RREB1: variants seen among roughly 807,000 people sequenced by gnomAD.
RREB1 encodes ras responsive element binding protein 1.
RREB1 carries 27 observed loss-of-function variants against 117.8 expected under a neutral mutation model. The observed-to-expected ratio is 0.23, with a 90% CI of 0.17 to 0.32. RREB1 has a LOEUF of 0.32. RREB1 is among the 10% of genes least tolerant of loss of function. The pLI is 1.00. For synonymous variants in RREB1, 1,298 were observed against 1,026.7 expected (o/e 1.26, Z -5.05); for missense variants, 2,577 against 2,378.2 (o/e 1.08, Z -1.74).
chr6:7,115,356 C>G (rs1323637384), intron 1 of RREB1, among the ~76,000 whole-genome samples: 2 of 148,742 alleles, frequency 1.3e-5, no homozygotes, highest in Non-Finnish European at 3.0e-5. Flanking sequence ...GGCCTTCCCC[C>G]CCACCCCCCA....
At chr6:7,185,106 TC>T (rs1255134246) in intron 4 of RREB1, 2 of 152,082 alleles carry the variant, frequency 1.3e-5, no homozygotes, top group Non-Finnish European at 2.9e-5. Flanking sequence ...TGACACCCCC[TC>T]CCCCATTATA....
intron 1 of RREB1, among the ~76,000 whole-genome samples, chr6:7,170,626 C>T (rs192867054): frequency 6.6e-6 from 1 of 152,242 alleles, no homozygotes; most frequent in Non-Finnish European, 1.5e-5. Context: ...CCTTGCCTGT[C>T]TGAAGCCTAC....
rs556317984 is a variant in RREB1, at chr6:7,160,773, G to A, written c.-284-15882G>A. ...GCAATCTCAGCTCACTGCAACCTCC[G>A]ACTCCCTGGTTCAAGCAATTCTCCT... On this transcript the variant is annotated intron_variant, in intron 1 of 12. Coordinates refer to ENST00000379938, the MANE Select transcript of RREB1 (RefSeq NM_001003699.4). 9.7e-4 allele frequency among the ~76,000 whole-genome samples: 147 copies of A among 151,216 alleles called. 5 individuals are homozygous for A. The highest frequency in any genetic ancestry group is 3.4e-3 in the African/African-American group (138 of 41,086).
At chr6:7,153,720 T>C (rs1439041812) in intron 1 of RREB1, among the ~76,000 whole-genome samples, 1 of 152,204 alleles carries the variant, frequency 6.6e-6, no homozygotes, top group Non-Finnish European at 1.5e-5. Context: ...CTCTTTATAA[T>C]GAAGTCAGGC....
chr6:7,203,709 T>C (rs572888788), intron 6 of RREB1, among the ~76,000 whole-genome samples: 34 of 152,360 alleles, frequency 2.2e-4, no homozygotes, highest in African/African-American at 7.7e-4. Flanking sequence ...ACTATCCTTA[T>C]ACTGGCTCCC....
intron 1 of RREB1, among the ~76,000 whole-genome samples, chr6:7,160,350 A>G (rs985878030): frequency 2.0e-5 from 3 of 152,168 alleles, no homozygotes; most frequent in African/African-American, 7.2e-5. Flanking sequence ...AAAAATAGTG[A>G]CATCAAATTA....
At chr6:7,189,434 G>C (rs748936032) in intron 6 of RREB1, 112 bp downstream of exon 6, 3 of 1,017,298 alleles carry the variant, frequency 2.9e-6, no homozygotes, top group Non-Finnish European at 4.2e-6. Context: ...GAGAGTTCTG[G>C]AGCTCTGTCC....
intron 10 of RREB1, among the ~76,000 whole-genome samples, chr6:7,239,521 G>A (rs1768556606): frequency 6.6e-6 from 1 of 152,142 alleles, no homozygotes; most frequent in African/African-American, 2.4e-5. Context: ...GAAACATGAT[G>A]TTTACAGCAC....
At position 7,246,986 on chromosome 6, in the gene RREB1, G is replaced by T; in HGVS notation, c.4536G>T (p.Pro1512=). The part of the protein sequence containing the change: ...ETPAEVVESA[P]GAGEAPAEKL... The stretch of plus-strand genomic sequence containing the variant: ...CGGCAGAGGTGGTGGAGTCGGCCCC[G>T]GGTGCCGGGGAGGCCCCGGCGGAAA... Residue 1512 remains proline, a synonymous_variant, in exon 12 of 13, where the codon CCG becomes CCT. Coordinates refer to ENST00000379938, the MANE Select transcript of RREB1 (RefSeq NM_001003699.4). 2 of 1,591,446 alleles carry T rather than the reference G, an allele frequency of 1.3e-6. No individual in the cohort carries two copies. Among genetic ancestry groups the T allele is most frequent in the East Asian group, 2.3e-5 (1 of 43,262 alleles).
intron 10 of RREB1, among the ~76,000 whole-genome samples, chr6:7,235,547 C>T (rs1000985605): frequency 6.6e-6 from 1 of 152,190 alleles, no homozygotes; most frequent in Middle Eastern, 3.2e-3. Flanking sequence ...AGGCTGTTCT[C>T]GAACTCCTCA....
At chr6:7,191,177 T>C (rs555526129) in intron 6 of RREB1, among the ~76,000 whole-genome samples, 1 of 152,346 alleles carries the variant, frequency 6.6e-6, no homozygotes, top group Admixed American at 6.5e-5. Flanking sequence ...GTGCTCTGGG[T>C]GTCATATCTG....
intron 1 of RREB1, among the ~76,000 whole-genome samples, chr6:7,126,518 C>T (rs951107768): frequency 6.6e-6 from 1 of 152,140 alleles, no homozygotes; most frequent in Non-Finnish European, 1.5e-5. Flanking sequence ...ATCTGCCTGC[C>T]TCCGCCTCCC....
chr6:7,230,904 C>A lies in RREB1; in HGVS notation c.2805C>A (p.Ile935=). The A allele has an allele frequency of 6.2e-7, 1 of 1,614,118 alleles. No individual in the cohort carries two copies. The highest frequency in any genetic ancestry group is 8.5e-7 in the Non-Finnish European group (1 of 1,179,996). ...LVPYDCSMEP[I]DLSIPKNFRK... ...CCTATGACTGCTCCATGGAGCCCAT[C>A]GACCTGTCCATCCCCAAGAACTTCA... The change falls in exon 10 of 13, where the codon ATC becomes ATA. Residue 935 remains isoleucine (I), a synonymous_variant. Transcript: ENST00000379938.
chr6:7,217,304 A>G (rs915680891), intron 8 of RREB1: 2 of 152,260 alleles, frequency 1.3e-5, no homozygotes, highest in Non-Finnish European at 2.9e-5. Context: ...AAGGAATGCC[A>G]GTCTCTCCAT....
At chr6:7,247,694 C>T (rs1294448243) in intron 12 of RREB1, among the ~76,000 whole-genome samples, 4 of 152,148 alleles carry the variant, frequency 2.6e-5, no homozygotes, top group Non-Finnish European at 5.9e-5. Flanking sequence ...CTTAGCCGTG[C>T]AGTTCGGCTG....
At chr6:7,209,617 A>G (rs952111734) in intron 6 of RREB1, among the ~76,000 whole-genome samples, 3 of 136,638 alleles carry the variant, frequency 2.2e-5, no homozygotes, top group African/African-American at 8.5e-5. Flanking sequence ...TCTGTCTCCC[A>G]GGCTAGAGTG....
At chr6:7,128,611 T>G (rs908055986) in intron 1 of RREB1, among the ~76,000 whole-genome samples, 4 of 151,790 alleles carry the variant, frequency 2.6e-5, no homozygotes, top group African/African-American at 9.7e-5. Context: ...GCTTTAAGAG[T>G]TGTTCTTTTA....
intron 1 of RREB1, among the ~76,000 whole-genome samples, chr6:7,120,183 G>C (rs1401404072): frequency 6.6e-6 from 1 of 151,754 alleles, no homozygotes; most frequent in Non-Finnish European, 1.5e-5. Context: ...GGGCGTGGTG[G>C]CTCATGCCTC....
In RREB1 at chr6:7,231,145, G is replaced by T; in HGVS notation, c.3046G>T (p.Val1016Phe). Residue 1016 changes from valine (V) to phenylalanine (F), a missense_variant, in exon 10 of 13, where the codon GTC becomes TTC. Coordinates refer to ENST00000379938, the MANE Select transcript of RREB1 (RefSeq NM_001003699.4). Reference protein sequence around the residue: ...QPLQGPVQLAVPIYSSALVSS... With the variant: ...QPLQGPVQLAFPIYSSALVSS... Reference sequence around the variant, plus strand: ...CCTGCAGGGCCCTGTTCAGCTGGCGGTCCCAATCTACTCCTCAGCCCTGGT... The same window carrying T: ...CCTGCAGGGCCCTGTTCAGCTGGCGTTCCCAATCTACTCCTCAGCCCTGGT... 6.2e-7 allele frequency: 1 copy of T among 1,612,464 alleles called. No homozygotes were observed.
Sources: gnomAD v4.1 joint callset for allele counts (sites outside exome capture counted in the v4.1 genomes callset) on GRCh38, gnomAD v4.1.1 for gene constraint, MANE v1.5 for transcripts, NCBI Gene and HGNC (gene_info 2026-07-23, HGNC 2026-07-21) for gene names.